Variants in CYBRD1 observed in about 807,000 individuals in gnomAD.
The protein encoded by CYBRD1 is cytochrome b reductase 1.
CYBRD1 carries 14 observed loss-of-function variants against 21.9 expected under a neutral mutation model. That is an observed-to-expected ratio of 0.64 (90% CI 0.42 to 1.00). The LOEUF (loss-of-function observed/expected upper bound fraction) is 1.00. Among genes scored for constraint, CYBRD1 ranks in the 50% least tolerant of loss-of-function variants. CYBRD1 has a pLI of 0.00. For missense variants in CYBRD1, 328 were observed against 352.5 expected (o/e 0.93, Z 0.56); for synonymous variants, 146 against 136.5 (o/e 1.07, Z -0.48).
At chr2:171,525,052 C>T (rs547266085) in intron 1 of CYBRD1, among the ~76,000 whole-genome samples, 108 of 152,276 alleles carry the variant, frequency 7.1e-4, no homozygotes, top group African/African-American at 2.6e-3. Flanking sequence ...ATTCTCCTGC[C>T]CCAGCCTCCC....
rs1176791161 is a variant in CYBRD1, at chr2:171,556,371, T to G, written c.*1544T>G. Reference sequence around the variant, plus strand: ...ATTGAGACTTGGAGGTGACTTTTCATGTTTGGAGTATCATCTCTGTCTGGG... The same window carrying G: ...ATTGAGACTTGGAGGTGACTTTTCAGGTTTGGAGTATCATCTCTGTCTGGG... On this transcript the variant is annotated 3_prime_UTR_variant, in exon 4 of 4. Coordinates refer to ENST00000321348, the MANE Select transcript of CYBRD1 (RefSeq NM_024843.4). 1 of 152,208 alleles carries G rather than the reference T, an allele frequency of 6.6e-6. No individual in the cohort carries two copies. Among genetic ancestry groups the G allele is most frequent in the African/African-American group, 2.4e-5 (1 of 41,444 alleles). 9.4% of individuals were successfully genotyped at this position (152,208 alleles called of 1,614,324 possible). A position where few individuals can be genotyped will look rare whatever the true frequency, so the allele number is the denominator to read the frequency against.
At chr2:171,547,531 T>G (rs1697735333) in intron 2 of CYBRD1, among the ~76,000 whole-genome samples, 1 of 151,462 alleles carries the variant, frequency 6.6e-6, no homozygotes, top group Non-Finnish European at 1.5e-5. Context: ...AAAGAGACAC[T>G]GTGAACACTG....
chr2:171,541,054 G>T (rs1003642749), intron 1 of CYBRD1: 5 of 171,060 alleles, frequency 2.9e-5, no homozygotes, highest in African/African-American at 1.2e-4. Context: ...ATGAGCCACT[G>T]GGCCCGGCCA....
intron 1 of CYBRD1, among the ~76,000 whole-genome samples, chr2:171,523,587 T>TCTGCTCGGGATGCCC (rs1697343355): frequency 6.6e-6 from 1 of 152,112 alleles, no homozygotes; most frequent in Non-Finnish European, 1.5e-5. Context: ...GAGGGATGCC[T>TCTGCTCGGGATGCCC]CTGCTCGGGA....
intron 1 of CYBRD1, among the ~76,000 whole-genome samples, chr2:171,527,549 A>C (rs1054916268): frequency 2.0e-5 from 3 of 152,326 alleles, no homozygotes; most frequent in Admixed American, 1.3e-4. Flanking sequence ...CCAGTTTAAA[A>C]GCACTGGCTT....
chr2:171,543,056 G>C (rs1447152339), intron 2 of CYBRD1, among the ~76,000 whole-genome samples: 1 of 151,740 alleles, frequency 6.6e-6, no homozygotes, highest in Non-Finnish European at 1.5e-5. Flanking sequence ...ATCAATAAAG[G>C]TAAAAAAAAA....
rs2105350562 is a variant in CYBRD1 at position 171,557,091 on chromosome 2, T to C, written c.*2264T>C. 6.5e-6 allele frequency: 1 copy of C among 152,740 alleles called. No individual in the cohort carries two copies. Among genetic ancestry groups the C allele is most frequent in the African/African-American group, 2.4e-5 (1 of 41,570 alleles). The allele number at this position is 152,740 out of a possible 1,614,324, so 9.5% of individuals were successfully genotyped here. A position where few individuals can be genotyped will look rare whatever the true frequency, so the allele number is the denominator to read the frequency against. The stretch of plus-strand genomic sequence containing the variant: ...ATGTGGGCTAATGTGAGGATAATCT[T>C]ACAGATATTATAGGAATTTCTTTTC... On this transcript the variant is annotated 3_prime_UTR_variant, in exon 4 of 4. Transcript: ENST00000321348.
Position 171,541,670 on chromosome 2 carries a change from T to C in CYBRD1, c.279T>C (p.Ala93=). ...TCCATGCAGGGTTAAATGCAGTTGCTGCCATTCTTGCAATTATCTCTGTGG... is the reference window on the plus strand; with the variant it reads ...TCCATGCAGGGTTAAATGCAGTTGCCGCCATTCTTGCAATTATCTCTGTGG... ...KSIHAGLNAV[A]AILAIISVVA... Residue 93 remains alanine, a synonymous_variant, in exon 2 of 4, where the codon GCT becomes GCC. Transcript: ENST00000321348. The C allele has an allele frequency of 6.2e-7, 1 of 1,613,952 alleles. No individual in the cohort carries two copies. The highest frequency in any genetic ancestry group is 8.5e-7 in the Non-Finnish European group (1 of 1,179,988).
chr2:171,529,179 T>C (rs1195191739), intron 1 of CYBRD1, among the ~76,000 whole-genome samples: 1 of 152,128 alleles, frequency 6.6e-6, no homozygotes, highest in Admixed American at 6.5e-5. Context: ...ATAGGTGAAG[T>C]AGATTTAGTA....
At chr2:171,527,827 C>T (rs1280989188) in intron 1 of CYBRD1, among the ~76,000 whole-genome samples, 1 of 152,100 alleles carries the variant, frequency 6.6e-6, no homozygotes, top group Non-Finnish European at 1.5e-5. Context: ...CAGCTACTGC[C>T]TCAGTTCTCT....
chr2:171,549,582 A>C (rs1697769494), intron 2 of CYBRD1, among the ~76,000 whole-genome samples: 1 of 152,222 alleles, frequency 6.6e-6, no homozygotes, highest in African/African-American at 2.4e-5. Context: ...AAAAAACAAA[A>C]AATGAAAAAA....
intron 1 of CYBRD1, among the ~76,000 whole-genome samples, chr2:171,528,046 T>G (rs1458173754): frequency 1.3e-5 from 2 of 152,082 alleles, no homozygotes; most frequent in East Asian, 3.9e-4. Context: ...AGGCAGCATT[T>G]GACATAATTG....
At chr2:171,535,885 C>A (rs1163292697) in intron 1 of CYBRD1, among the ~76,000 whole-genome samples, 1 of 152,144 alleles carries the variant, frequency 6.6e-6, no homozygotes, top group African/African-American at 2.4e-5. Context: ...AGCAGTCTAC[C>A]CACTTTGACT....
intron 1 of CYBRD1, among the ~76,000 whole-genome samples, chr2:171,531,947 T>C (rs1697473074): frequency 6.6e-6 from 1 of 152,188 alleles, no homozygotes; most frequent in Non-Finnish European, 1.5e-5. Context: ...CACTCAGAGA[T>C]GTTTCTAGGG....
chr2:171,551,791 T>C (rs1296891976), intron 2 of CYBRD1, among the ~76,000 whole-genome samples: 1 of 152,214 alleles, frequency 6.6e-6, no homozygotes, highest in Non-Finnish European at 1.5e-5. Flanking sequence ...ATTAATTCAC[T>C]TGTTGCCTCT....
intron 1 of CYBRD1, among the ~76,000 whole-genome samples, chr2:171,526,355 CCTTTCT>C (rs887213759): frequency 2.0e-5 from 3 of 151,980 alleles, no homozygotes; most frequent in African/African-American, 7.3e-5. Flanking sequence ...TTCCCCTTTC[CCTTTCT>C]CGCTCACCCT....
chr2:171,557,881 T>G lies in CYBRD1; in HGVS notation c.*3054T>G, dbSNP rs1008469397. 1 of 152,296 alleles carries G rather than the reference T, an allele frequency of 6.6e-6. No individual in the cohort carries two copies. The highest frequency in any genetic ancestry group is 2.4e-5 in the African/African-American group (1 of 41,574). 9.4% of individuals were successfully genotyped at this position (152,296 alleles called of 1,614,324 possible). On this transcript the variant is annotated 3_prime_UTR_variant, in exon 4 of 4. Coordinates refer to ENST00000321348, the MANE Select transcript of CYBRD1 (RefSeq NM_024843.4). ...TAGAAAATTTATCTTGGTATGTCCT[T>G]TTTTAGATAACTCCAGCAGGAAACT...
intron 1 of CYBRD1, among the ~76,000 whole-genome samples, chr2:171,530,954 C>T (rs551406141): frequency 6.6e-6 from 1 of 151,888 alleles, no homozygotes; most frequent in Non-Finnish European, 1.5e-5. Flanking sequence ...AGTAGGGAGA[C>T]AAGCCTGGGC....
chr2:171,528,908 A>G (rs887907001), intron 1 of CYBRD1, among the ~76,000 whole-genome samples: 1 of 152,228 alleles, frequency 6.6e-6, no homozygotes, highest in Non-Finnish European at 1.5e-5. Flanking sequence ...CAGCCATTTC[A>G]CTAGAAAATC....
Sources: gnomAD v4.1 joint callset for allele counts (sites outside exome capture counted in the v4.1 genomes callset) on GRCh38, gnomAD v4.1.1 for gene constraint, MANE v1.5 for transcripts, NCBI Gene and HGNC (gene_info 2026-07-23, HGNC 2026-07-21) for gene names.